IL6ST: variants seen among roughly 807,000 people sequenced by gnomAD.
The protein encoded by IL6ST is interleukin-6 receptor subunit beta.
IL6ST carries 24 observed loss-of-function variants against 91.3 expected under a neutral mutation model. That is an observed-to-expected ratio of 0.26 (90% CI 0.19 to 0.37). The LOEUF (loss-of-function observed/expected upper bound fraction) is 0.37, where lower values mean the gene tolerates loss of function less well. Among genes scored for constraint, IL6ST ranks in the 10% least tolerant of loss-of-function variants. The pLI is 1.00. For missense variants in IL6ST, 914 were observed against 1,078.5 expected (o/e 0.85, Z 2.14); for synonymous variants, 351 against 373.6 (o/e 0.94, Z 0.70).
At chr5:55,987,787 AG>A (rs2111929035) in intron 1 of IL6ST, among the ~76,000 whole-genome samples, 1 of 152,312 alleles carries the variant, frequency 6.6e-6, no homozygotes, top group South Asian at 2.1e-4. Context: ...AAAGGTTAAC[AG>A]CTGTTATTAT....
intron 8 of IL6ST, among the ~76,000 whole-genome samples, chr5:55,959,267 A>C (rs1752165730): frequency 6.6e-6 from 1 of 152,224 alleles, no homozygotes; most frequent in Non-Finnish European, 1.5e-5. Flanking sequence ...CAGCAGCAAT[A>C]GCAAAATTGA....
chr5:55,955,937 G>T, intron 10 of IL6ST, 88 bp downstream of exon 10: 1 of 777,724 alleles, frequency 1.3e-6, no homozygotes. Context: ...GACAGTCTTA[G>T]ATAACTTGTG....
At chr5:55,976,138 G>A (rs1227446375) in intron 3 of IL6ST, 77 bp downstream of exon 3, 1 of 575,724 alleles carries the variant, frequency 1.7e-6, no homozygotes, top group Non-Finnish European at 2.8e-6. Flanking sequence ...TTAAACATAA[G>A]CTTAATTATA....
At chr5:55,968,479 G>T in intron 4 of IL6ST, 83 bp from the exon 5 acceptor site, 1 of 1,290,860 alleles carries the variant, frequency 7.7e-7, no homozygotes, top group Non-Finnish European at 1.1e-6. Flanking sequence ...AGGCATTTGC[G>T]ATCTAAATTA....
rs1347345640 is a variant in IL6ST at position 55,994,907 on chromosome 5, G to GCTCCCC, written c.-228_-227insGGGGAG. Reference sequence around the variant, plus strand: ...GGTTCAGCTGCGCCGGGGCGGCCCAGCGCGACTCCGCGGGCCTTTTGGCTG... The same window carrying GCTCCCC: ...GGTTCAGCTGCGCCGGGGCGGCCCAGCTCCCCCGCGACTCCGCGGGCCTTTTGGCTG... On this transcript the variant is annotated 5_prime_UTR_variant, in exon 1 of 17. Coordinates refer to ENST00000381298, the MANE Select transcript of IL6ST (RefSeq NM_002184.4). The GCTCCCC allele has an allele frequency of 6.6e-6, 1 of 152,256 alleles. No individual in the cohort carries two copies. Among genetic ancestry groups the GCTCCCC allele is most frequent in the Non-Finnish European group, 1.5e-5 (1 of 68,106 alleles). The allele number at this position is 152,256 out of a possible 1,614,324, so 9.4% of individuals were successfully genotyped here.
At chr5:55,973,131 T>C (rs1310337275) in intron 3 of IL6ST, among the ~76,000 whole-genome samples, 3 of 152,100 alleles carry the variant, frequency 2.0e-5, no homozygotes, top group Non-Finnish European at 4.4e-5. Context: ...TGATTACCCA[T>C]ATATAAAAAA....
chr5:55,979,860 G>A (rs1337339537), intron 2 of IL6ST, among the ~76,000 whole-genome samples: 1 of 152,076 alleles, frequency 6.6e-6, no homozygotes, highest in Non-Finnish European at 1.5e-5. Context: ...AACAGTAAAA[G>A]GCTGAAACAA....
intron 2 of IL6ST, among the ~76,000 whole-genome samples, chr5:55,980,147 T>C (rs1033628741): frequency 4.6e-5 from 7 of 152,340 alleles, no homozygotes; most frequent in African/African-American, 1.7e-4. Flanking sequence ...GACAGGGTAT[T>C]TGAGAGATCA....
chr5:55,943,619 A>G (rs1751054463), intron 15 of IL6ST, among the ~76,000 whole-genome samples: 1 of 152,224 alleles, frequency 6.6e-6, no homozygotes, highest in Non-Finnish European at 1.5e-5. Context: ...AAAATGCACC[A>G]TATTCATGGA....
chr5:55,985,250 T>A (rs1753891856), intron 1 of IL6ST, among the ~76,000 whole-genome samples: 1 of 152,162 alleles, frequency 6.6e-6, no homozygotes, highest in Non-Finnish European at 1.5e-5. Flanking sequence ...ACGCAGTAGC[T>A]CACACTTGTA....
chr5:55,938,225 T>C lies in IL6ST; in HGVS notation c.*2857A>G, dbSNP rs1750657516. 1.0e-5 allele frequency: 2 copies of C among 192,882 alleles called. No individual in the cohort carries two copies. The highest frequency in any genetic ancestry group is 1.6e-4 in the East Asian group (2 of 12,222). The allele number at this position is 192,882 out of a possible 1,614,324, so 11.9% of individuals were successfully genotyped here. On this transcript the variant is annotated 3_prime_UTR_variant, in exon 17 of 17. Transcript: ENST00000381298. ...TCAAGGAATAAGGCTGAAATTTAAA[T>C]GAACAATTAGGTAGAGAAGAGGTAT...
Position 55,938,238 on chromosome 5 carries a change from A to T in IL6ST, c.*2844T>A. 1 of 192,980 alleles carries T rather than the reference A, an allele frequency of 5.2e-6. No individual in the cohort carries two copies. Among genetic ancestry groups the T allele is most frequent in the Non-Finnish European group, 1.1e-5 (1 of 92,376 alleles). 12.0% of individuals were successfully genotyped at this position (192,980 alleles called of 1,614,324 possible). The stretch of plus-strand genomic sequence containing the variant: ...CTGAAATTTAAATGAACAATTAGGT[A>T]GAGAAGAGGTATGAACACAGAACAT... On this transcript the variant is annotated 3_prime_UTR_variant, in exon 17 of 17. Transcript: ENST00000381298.
intron 4 of IL6ST, among the ~76,000 whole-genome samples, chr5:55,968,870 T>C (rs949179210): frequency 2.0e-5 from 3 of 152,186 alleles, no homozygotes; most frequent in African/African-American, 7.2e-5. Flanking sequence ...TAACCCACTT[T>C]TGGATCATAG....
intron 9 of IL6ST, among the ~76,000 whole-genome samples, chr5:55,956,973 CGTG>C (rs1339977700): frequency 6.6e-6 from 1 of 151,986 alleles, no homozygotes; most frequent in Non-Finnish European, 1.5e-5. Flanking sequence ...TCCTGGCCAC[CGTG>C]GTGAAACCCT....
intron 1 of IL6ST, among the ~76,000 whole-genome samples, chr5:55,989,261 T>C (rs1216810328): frequency 6.6e-6 from 1 of 151,592 alleles, no homozygotes; most frequent in African/African-American, 2.4e-5. Context: ...CTCAAGTGTA[T>C]ATAAGAATTT....
chr5:55,957,234 T>C lies in IL6ST; in HGVS notation c.1031A>G (p.Tyr344Cys). 6.4e-7 allele frequency: 1 copy of C among 1,559,544 alleles called. No individual in the cohort carries two copies. Among genetic ancestry groups the C allele is most frequent in the African/African-American group, 1.4e-5 (1 of 72,250 alleles). ...YKIDPSHTQG[Y>C]RTVQLVWKTL... ...CTTCCACACGAGTTGTACAGTTCTG[T>C]AGCCTTGAGTATGGGATGGATCTAT... The change falls in exon 9 of 17, where the codon TAC becomes TGC. Residue 344 changes from tyrosine to cysteine, a missense_variant. Coordinates refer to ENST00000381298, the MANE Select transcript of IL6ST (RefSeq NM_002184.4).
At chr5:55,955,330 G>A (rs1203662104) in intron 10 of IL6ST, among the ~76,000 whole-genome samples, 1 of 152,146 alleles carries the variant, frequency 6.6e-6, no homozygotes, top group Non-Finnish European at 1.5e-5. Context: ...TGTGGTGCGT[G>A]CCTTTAATTC....
chr5:55,944,561 G>T (rs991048298), intron 15 of IL6ST: 11 of 495,720 alleles, frequency 2.2e-5, no homozygotes, highest in Admixed American at 9.3e-5. Context: ...AATAAATAAA[G>T]AAATAAACCA....
In IL6ST at chr5:55,993,805, A is replaced by T. The variant is rs116305833; in HGVS notation, c.-104+979T>A. On this transcript the variant is annotated intron_variant, in intron 1 of 16. Transcript: ENST00000381298. ...AAATAGGAATTAACATGAATTTAAG[A>T]AATTAACATAATGGCACACAGCTAA... 1.7e-3 allele frequency among the ~76,000 whole-genome samples: 257 copies of T among 152,330 alleles called. 2 individuals carry two copies. Among genetic ancestry groups the T allele is most frequent in the African/African-American group, 6.0e-3 (249 of 41,574 alleles).
Sources: gnomAD v4.1 joint callset for allele counts (sites outside exome capture counted in the v4.1 genomes callset) on GRCh38, gnomAD v4.1.1 for gene constraint, MANE v1.5 for transcripts, NCBI Gene and HGNC (gene_info 2026-07-23, HGNC 2026-07-21) for gene names.